The following CSMD1 variants were observed in gnomAD, a reference collection of about 807,000 sequenced individuals.
The protein encoded by CSMD1 is CUB and sushi domain-containing protein 1.
In CSMD1, 213 loss-of-function variants were observed where a neutral mutation model predicts 417.5. That is an observed-to-expected ratio of 0.51 (90% CI 0.46 to 0.57). The LOEUF is 0.57. Among genes scored for constraint, CSMD1 ranks in the 20% least tolerant of loss-of-function variants. The pLI is 0.00. For synonymous variants in CSMD1, 2,862 were observed against 1,736.8 expected (o/e 1.65, Z -16.11); for missense variants, 6,923 against 4,529.7 (o/e 1.53, Z -15.17).
intron 7 of CSMD1, among the ~76,000 whole-genome samples, chr8:3,677,262 T>C (rs1408465219): frequency 6.6e-6 from 1 of 151,988 alleles, no homozygotes; most frequent in Non-Finnish European, 1.5e-5. Context: ...GCATCGAAAA[T>C]TTCTCTCCCA....
chr8:4,700,739 T>G (rs1807474709), intron 1 of CSMD1, among the ~76,000 whole-genome samples: 1 of 152,292 alleles, frequency 6.6e-6, no homozygotes, highest in East Asian at 1.9e-4. Flanking sequence ...TCAGCACATT[T>G]TATTATATGC....
chr8:4,579,778 T>C (rs1035266391), intron 2 of CSMD1, among the ~76,000 whole-genome samples: 1 of 152,198 alleles, frequency 6.6e-6, no homozygotes, highest in Non-Finnish European at 1.5e-5. Flanking sequence ...GAATTTCCAA[T>C]TTTATTTCCA....
At chr8:3,535,345 T>C (rs1373106594) in intron 10 of CSMD1, among the ~76,000 whole-genome samples, 3 of 152,164 alleles carry the variant, frequency 2.0e-5, no homozygotes, top group Non-Finnish European at 2.9e-5. Flanking sequence ...TGAGTCACTA[T>C]AGGAAGAACC....
At chr8:3,973,830 T>G (rs139944930) in intron 5 of CSMD1, among the ~76,000 whole-genome samples, 1 of 152,176 alleles carries the variant, frequency 6.6e-6, no homozygotes, top group Non-Finnish European at 1.5e-5. Flanking sequence ...GTGTTTAATA[T>G]GTAGTTGCTG....
chr8:3,613,738 C>CAG (rs1554488356), intron 8 of CSMD1, among the ~76,000 whole-genome samples: 5 of 85,378 alleles, frequency 5.9e-5, no homozygotes, highest in African/African-American at 8.1e-5. Context: ...CACACACACA[C>CAG]CTCAAAAAAT....
intron 50 of CSMD1, among the ~76,000 whole-genome samples, chr8:3,043,395 C>G (rs1290242850): frequency 6.6e-6 from 1 of 151,992 alleles, no homozygotes. Flanking sequence ...CGATAGGTTT[C>G]TATGACCTAT....
At position 4,717,310 on chromosome 8, in the gene CSMD1, C is replaced by CAT. The variant is rs377764710; in HGVS notation, c.86-79754_86-79753dup. ...CCCTGCCCTTCTCTCTCTCTCTCTC[C>CAT]ATATATATATATATATACACACACA... On this transcript the variant is annotated intron_variant, in intron 1 of 69. Transcript: ENST00000635120. Among the ~76,000 whole-genome samples the CAT allele has an allele frequency of 7.1e-3, 977 of 137,078 alleles. 23 individuals are homozygous for CAT. The highest frequency in any genetic ancestry group is 0.033 in the East Asian group (143 of 4,320). The allele number at this position is 137,078 out of a possible 152,430, so 89.9% of individuals were successfully genotyped here. A position where few individuals can be genotyped will look rare whatever the true frequency, so the allele number is the denominator to read the frequency against.
At chr8:3,013,241 T>C (rs548142584) in intron 52 of CSMD1, among the ~76,000 whole-genome samples, 31 of 152,238 alleles carry the variant, frequency 2.0e-4, no homozygotes, top group African/African-American at 6.3e-4. Context: ...ATGCAATTAA[T>C]TTTATGTTTG....
intron 5 of CSMD1, among the ~76,000 whole-genome samples, chr8:3,858,813 G>C (rs557509695): frequency 6.6e-6 from 1 of 151,984 alleles, no homozygotes; most frequent in Non-Finnish European, 1.5e-5. Flanking sequence ...TAATGTTATC[G>C]GGAAATAACA....
At chr8:4,512,323 G>T (rs188465015) in intron 2 of CSMD1, among the ~76,000 whole-genome samples, 9 of 152,086 alleles carry the variant, frequency 5.9e-5, no homozygotes, top group Non-Finnish European at 1.2e-4. Context: ...AAAAAACCCT[G>T]CAGCTAACAT....
At chr8:3,905,384 C>A (rs1172579523) in intron 5 of CSMD1, among the ~76,000 whole-genome samples, 1 of 152,136 alleles carries the variant, frequency 6.6e-6, no homozygotes, top group Non-Finnish European at 1.5e-5. Context: ...TTCTTAGTAA[C>A]TGTAAATACT....
chr8:3,206,581 ATG>A (rs1563142292), intron 30 of CSMD1, among the ~76,000 whole-genome samples: 18 of 58,668 alleles, frequency 3.1e-4, no homozygotes, highest in African/African-American at 1.3e-3. Flanking sequence ...GTGTGTGTGT[ATG>A]TGTGGGGGGC....
chr8:4,906,453 TA>T (rs1180810005), intron 1 of CSMD1, among the ~76,000 whole-genome samples: 4 of 152,206 alleles, frequency 2.6e-5, no homozygotes, highest in Non-Finnish European at 5.9e-5. Context: ...CTGTGTTCAT[TA>T]AGTTTTTTGT....
intron 6 of CSMD1, among the ~76,000 whole-genome samples, 186 bp downstream of exon 6, chr8:3,753,744 T>C (rs751388206): frequency 6.6e-6 from 1 of 152,234 alleles, no homozygotes; most frequent in Non-Finnish European, 1.5e-5. Context: ...TATACTGTGA[T>C]AGTGATATAG....
At chr8:4,350,663 A>G (rs1403846060) in intron 3 of CSMD1, among the ~76,000 whole-genome samples, 2 of 152,234 alleles carry the variant, frequency 1.3e-5, no homozygotes, top group African/African-American at 4.8e-5. Context: ...GAAATTTACT[A>G]GAACAAAGGT....
intron 6 of CSMD1, among the ~76,000 whole-genome samples, chr8:3,741,671 T>G (rs577075838): frequency 2.8e-4 from 42 of 152,196 alleles, no homozygotes; most frequent in Non-Finnish European, 3.8e-4. Flanking sequence ...TTTCTAAACT[T>G]CTAACTGGGA....
chr8:3,090,427 A>T (rs1165565614), intron 48 of CSMD1, among the ~76,000 whole-genome samples: 1 of 151,136 alleles, frequency 6.6e-6, no homozygotes, highest in Non-Finnish European at 1.5e-5. Context: ...CAAAGGTCTG[A>T]GTATATTTTA....
intron 1 of CSMD1, among the ~76,000 whole-genome samples, chr8:4,830,554 G>A (rs568062728): frequency 3.3e-4 from 50 of 152,288 alleles, no homozygotes; most frequent in African/African-American, 1.1e-3. Context: ...GTGTCAAGAG[G>A]AGACATCATA....
intron 5 of CSMD1, among the ~76,000 whole-genome samples, chr8:3,776,306 C>T (rs1204257676): frequency 6.6e-6 from 1 of 152,118 alleles, no homozygotes; most frequent in Admixed American, 6.5e-5. Context: ...GGGTCACATA[C>T]AACCCAAATT....
Sources: gnomAD v4.1 joint callset for allele counts (sites outside exome capture counted in the v4.1 genomes callset) on GRCh38, gnomAD v4.1.1 for gene constraint, MANE v1.5 for transcripts, NCBI Gene and HGNC (gene_info 2026-07-23, HGNC 2026-07-21) for gene names.